The following ATP10A variants were observed in gnomAD, a reference collection of about 807,000 sequenced individuals.
ATP10A encodes phospholipid-transporting ATPase VA.
ATP10A carries 111 observed loss-of-function variants against 147.8 expected under a neutral mutation model. The ratio of observed to expected loss-of-function variants is 0.75; its 90% CI spans 0.64 to 0.88. The LOEUF is 0.88. Ranked by LOEUF, ATP10A falls within the 40% of genes least tolerant of loss-of-function variation. ATP10A has a pLI of 0.00. For missense variants in ATP10A, 1,927 were observed against 1,959.0 expected (o/e 0.98, Z 0.31); for synonymous variants, 875 against 841.6 (o/e 1.04, Z -0.69).
chr15:25,702,460 T>C (rs1014891442), intron 12 of ATP10A, among the ~76,000 whole-genome samples: 1 of 152,206 alleles, frequency 6.6e-6, no homozygotes, highest in African/African-American at 2.4e-5. Context: ...TATGGGAAGG[T>C]GTTGGGAATG....
At chr15:25,825,626 T>C (rs540099038) in intron 1 of ATP10A, among the ~76,000 whole-genome samples, 2 of 152,340 alleles carry the variant, frequency 1.3e-5, no homozygotes, top group African/African-American at 4.8e-5. Flanking sequence ...CAGTCTTCAG[T>C]GGCTACCACA....
chr15:25,833,449 G>T (rs1248033308), intron 1 of ATP10A, among the ~76,000 whole-genome samples: 1 of 152,102 alleles, frequency 6.6e-6, no homozygotes, highest in Non-Finnish European at 1.5e-5. Context: ...TGCTCACCAT[G>T]AATTTCTTGT....
intron 2 of ATP10A, among the ~76,000 whole-genome samples, chr15:25,753,113 C>T (rs1404726405): frequency 6.6e-6 from 1 of 152,128 alleles, no homozygotes; most frequent in Non-Finnish European, 1.5e-5. Context: ...GAAATTTACC[C>T]TCTAGGTAAT....
chr15:25,698,943 A>C (rs1374595440), intron 13 of ATP10A, among the ~76,000 whole-genome samples: 1 of 152,190 alleles, frequency 6.6e-6, no homozygotes, highest in Non-Finnish European at 1.5e-5. Context: ...AAAGAAATAA[A>C]AGAAGACCTA....
At chr15:25,775,011 C>T (rs933979995) in intron 2 of ATP10A, among the ~76,000 whole-genome samples, 1 of 152,194 alleles carries the variant, frequency 6.6e-6, no homozygotes, top group Non-Finnish European at 1.5e-5. Context: ...ATGGAAGCCT[C>T]TTTGTAAAGG....
intron 1 of ATP10A, among the ~76,000 whole-genome samples, chr15:25,830,107 A>G (rs377686918): frequency 8.1e-4 from 124 of 152,258 alleles, no homozygotes; most frequent in African/African-American, 2.7e-3. Flanking sequence ...CCAAGGCCTC[A>G]GCCAGCAGGA....
Position 25,724,021 on chromosome 15 carries a change from C to G in ATP10A, c.980G>C (p.Gly327Ala), listed in dbSNP as rs777774705. ...ATACCGCCATATCCACAGTCCATGT[C>G]CTGTAGTAATGTTCAAAGAGAAATG... Reference protein sequence around the residue: ...LVCMSLFSAVGHGLWIWRYQE... With the variant: ...LVCMSLFSAVAHGLWIWRYQE... The change falls in exon 6 of 21, where the codon GGA becomes GCA. Residue 327 changes from glycine to alanine, a missense_variant and splice_region_variant. By Grantham distance (60) the Gly-to-Ala change is moderately conservative. Transcript: ENST00000555815. 7 of 1,559,590 alleles carry G rather than the reference C, an allele frequency of 4.5e-6. No individual in the cohort carries two copies. The highest frequency in any genetic ancestry group is 5.2e-6 in the Non-Finnish European group (6 of 1,155,828).
intron 1 of ATP10A, among the ~76,000 whole-genome samples, chr15:25,838,049 C>A (rs969136153): frequency 3.3e-5 from 5 of 152,212 alleles, no homozygotes; most frequent in African/African-American, 1.2e-4. Context: ...AAAACTAGGG[C>A]ATCCTGGGAT....
chr15:25,729,920 G>A (rs1241804522), intron 3 of ATP10A, among the ~76,000 whole-genome samples: 1 of 152,098 alleles, frequency 6.6e-6, no homozygotes, highest in Non-Finnish European at 1.5e-5. Context: ...AAGGCTGCCC[G>A]GCCCTTGGCT....
intron 2 of ATP10A, among the ~76,000 whole-genome samples, chr15:25,760,857 A>G (rs1294578678): frequency 6.6e-6 from 1 of 152,200 alleles, no homozygotes; most frequent in Non-Finnish European, 1.5e-5. Flanking sequence ...ACAAGCATAC[A>G]TATATAAAAC....
chr15:25,727,674 T>A (rs1449910365), intron 3 of ATP10A, among the ~76,000 whole-genome samples: 1 of 152,236 alleles, frequency 6.6e-6, no homozygotes, highest in Non-Finnish European at 1.5e-5. Context: ...GTCATAAAAA[T>A]ACAAACATCT....
chr15:25,816,730 A>T (rs553897240), intron 1 of ATP10A, among the ~76,000 whole-genome samples: 417 of 152,250 alleles, frequency 2.7e-3, no homozygotes, highest in African/African-American at 9.4e-3. Flanking sequence ...AGAAAACATA[A>T]TTTTTTTGTC....
chr15:25,785,746 G>A (rs1482875663), intron 1 of ATP10A, among the ~76,000 whole-genome samples: 1 of 152,212 alleles, frequency 6.6e-6, no homozygotes, highest in Non-Finnish European at 1.5e-5. Flanking sequence ...GACCTCTAGA[G>A]ACAGGAAGAA....
At chr15:25,723,841 T>A in intron 6 of ATP10A, 50 bp downstream of exon 6, 1 of 1,457,986 alleles carries the variant, frequency 6.9e-7, no homozygotes, top group Non-Finnish European at 9.2e-7. Context: ...TGATTTTAAG[T>A]TCTCTTCATA....
chr15:25,824,630 G>A (rs1359927401), intron 1 of ATP10A, among the ~76,000 whole-genome samples: 2 of 150,706 alleles, frequency 1.3e-5, no homozygotes, highest in Non-Finnish European at 2.9e-5. Context: ...TGAAGATGGT[G>A]GAGTGAAGGA....
chr15:25,750,697 A>G (rs940385577), intron 2 of ATP10A, among the ~76,000 whole-genome samples: 2 of 136,944 alleles, frequency 1.5e-5, no homozygotes, highest in Non-Finnish European at 3.0e-5. Context: ...CGTTTACAAC[A>G]TATATATATG....
intron 1 of ATP10A, among the ~76,000 whole-genome samples, chr15:25,847,919 A>G (rs538783488): frequency 7.2e-5 from 11 of 152,002 alleles, no homozygotes; most frequent in African/African-American, 2.7e-4. Context: ...GATGTGAGCC[A>G]CCACACCTGG....
At chr15:25,746,947 A>G (rs551641503) in intron 2 of ATP10A, among the ~76,000 whole-genome samples, 34 of 152,320 alleles carry the variant, frequency 2.2e-4, no homozygotes, top group Middle Eastern at 3.4e-3. Flanking sequence ...TATCCCAAAA[A>G]TAAAAAAAAA....
intron 1 of ATP10A, among the ~76,000 whole-genome samples, chr15:25,785,310 A>C (rs1223319233): frequency 1.3e-5 from 2 of 152,166 alleles, no homozygotes; most frequent in African/African-American, 2.4e-5. Context: ...TTATAAGAGA[A>C]AGGCAGCAGA....
Sources: allele counts gnomAD v4.1 joint callset (sites outside exome capture counted in the v4.1 genomes callset), GRCh38; gene constraint gnomAD v4.1.1; transcripts MANE v1.5; gene names NCBI Gene and HGNC (gene_info 2026-07-23, HGNC 2026-07-21).